IPO4: variants seen among roughly 807,000 people sequenced by gnomAD.
The protein encoded by IPO4 is importin-4.
A neutral mutation model predicts 133.5 loss-of-function variants in IPO4; 91 were observed. The ratio of observed to expected loss-of-function variants is 0.68; its 90% CI spans 0.58 to 0.81. IPO4 has a LOEUF of 0.81. IPO4 is among the 30% of genes least tolerant of loss of function. The pLI, the probability that IPO4 is intolerant of heterozygous loss-of-function variation, is 0.00. For missense variants in IPO4, 1,279 were observed against 1,386.2 expected (o/e 0.92, Z 1.23); for synonymous variants, 607 against 581.6 (o/e 1.04, Z -0.63).
At chr14:24,188,289 A>C (rs1244108584) in intron 3 of IPO4, 32 bp from the exon 4 acceptor site, 3 of 1,612,910 alleles carry the variant, frequency 1.9e-6, no homozygotes, top group Non-Finnish European at 2.5e-6. Context: ...TTTGGTACCC[A>C]GCCTGCCCAA....
Position 24,180,592 on chromosome 14 carries a change from G to C in IPO4, c.3116-20C>G, listed in dbSNP as rs1171878090. On this transcript the variant is annotated intron_variant, in intron 29 of 29. Transcript: ENST00000354464. ...TGGTGTCTGGGTGGAGAGGGAGGGA[G>C]AAAGGTCGGGGCTCCTAAAGCCTCG... The C allele has an allele frequency of 6.2e-7, 1 of 1,612,700 alleles. No individual in the cohort carries two copies. Among genetic ancestry groups the C allele is most frequent in the Non-Finnish European group, 8.5e-7 (1 of 1,178,910 alleles).
At chr14:24,180,992 A>G (rs1184696481) in intron 28 of IPO4, among the ~76,000 whole-genome samples, 1 of 152,158 alleles carries the variant, frequency 6.6e-6, no homozygotes, top group Non-Finnish European at 1.5e-5. Context: ...TCATAGCCTC[A>G]AGACCTAAAG....
chr14:24,183,660 C>A lies in IPO4; in HGVS notation c.1993G>T (p.Val665Leu), dbSNP rs754335399. The change falls in exon 20 of 30, where the codon GTG (valine) becomes TTG (leucine). Residue 665 changes from valine to leucine, a missense_variant. By Grantham distance (32) the Val-to-Leu change is conservative. Around this residue, in one of 3 missense-constraint regions of IPO4, gnomAD observed 575 missense variants for 653.4 expected, o/e 0.88. Coordinates refer to ENST00000354464, the MANE Select transcript of IPO4 (RefSeq NM_024658.4). ...TTCTCATCGAAGAAGGCATTCTCCA[C>A]GCTGTACCTAGAGTAAGAAGGGGAG... ...EDDSEISGYS[V>L]ENAFFDEKED... 6.2e-7 allele frequency: 1 copy of A among 1,614,138 alleles called. No individual in the cohort carries two copies. The highest frequency in any genetic ancestry group is 1.3e-5 in the African/African-American group (1 of 75,032).
At position 24,183,464 on chromosome 14, in the gene IPO4, G is replaced by A. The variant is rs2039172291; in HGVS notation, c.2113C>T (p.Leu705=). The A allele has an allele frequency of 1.2e-6, 2 of 1,612,540 alleles. No homozygotes were observed. Among genetic ancestry groups the A allele is most frequent in the South Asian group, 1.1e-5 (1 of 90,760 alleles). The change falls in exon 21 of 30, where the codon CTG becomes TTG. Residue 705 remains leucine (L), a synonymous_variant. Transcript: ENST00000354464. Reference sequence around the variant, plus strand: ...CCCGCCGGCCCGCTCACCTCCAGCAGTTTAAATACTTCTTCAAAGACACTT... The same window carrying A: ...CCCGCCGGCCCGCTCACCTCCAGCAATTTAAATACTTCTTCAAAGACACTT... ...MESVFEEVFK[L]LECPHLNVRK... is the part of the protein sequence containing the mutation.
chr14:24,180,827 C>A, intron 28 of IPO4, 69 bp from the exon 29 acceptor site: 1 of 1,363,420 alleles, frequency 7.3e-7, no homozygotes, highest in Non-Finnish European at 1.0e-6. Context: ...TGGTCAGGAC[C>A]AAGGAGTGGC....
chr14:24,188,812 G>A lies in IPO4; in HGVS notation c.-25C>T. On this transcript the variant is annotated 5_prime_UTR_variant, in exon 1 of 30. Coordinates refer to ENST00000354464, the MANE Select transcript of IPO4 (RefSeq NM_024658.4). ...TGGCAGCAACTGAGCCGCCGCTACT[G>A]GGCCGAAAAGGGGAGGGGGAGGGAC... 5 of 1,477,690 alleles carry A rather than the reference G, an allele frequency of 3.4e-6. No homozygotes were observed. Among genetic ancestry groups the A allele is most frequent in the African/African-American group, 1.4e-5 (1 of 70,750 alleles). The allele number at this position is 1,477,690 out of a possible 1,614,324, so 91.5% of individuals were successfully genotyped here. A position where few individuals can be genotyped will look rare whatever the true frequency, so the allele number is the denominator to read the frequency against.
In IPO4 at chr14:24,183,471, T is replaced by C; in HGVS notation, c.2106A>G (p.Val702=). The change falls in exon 21 of 30, where the codon GTA becomes GTG. Residue 702 remains valine, a synonymous_variant. Transcript: ENST00000354464. ...LPYMESVFEE[V]FKLLECPHLN... ...GCCCGCTCACCTCCAGCAGTTTAAA[T>C]ACTTCTTCAAAGACACTTTCCATGT... 5 of 1,613,024 alleles carry C rather than the reference T, an allele frequency of 3.1e-6. No individual in the cohort carries two copies. The highest frequency in any genetic ancestry group is 4.2e-6 in the Non-Finnish European group (5 of 1,179,482).
chr14:24,188,667 G>T, intron 1 of IPO4, 29 bp from the exon 2 acceptor site: 1 of 1,602,926 alleles, frequency 6.2e-7, no homozygotes, highest in Non-Finnish European at 8.5e-7. Context: ...TGAGAGTTGG[G>T]CCTTTCCCGC....
At chr14:24,183,712 G>A (rs1160317933) in intron 19 of IPO4, 45 bp from the exon 20 acceptor site, 2 of 1,614,034 alleles carry the variant, frequency 1.2e-6, no homozygotes, top group Non-Finnish European at 1.7e-6. Flanking sequence ...ACCAAGAGGA[G>A]CAGATCCAGC....
chr14:24,183,390 T>C lies in IPO4; in HGVS notation c.2122-35A>G, dbSNP rs781433347. 2.4e-5 allele frequency: 39 copies of C among 1,594,362 alleles called. No homozygotes were observed. In the Admixed American group the frequency reaches 6.0e-4, roughly 24 times the overall value. ...GAGGAGGGGCGGGATATGTCTGCTA[T>C]GTGCACCGTGAACACAGGGCCCCCA... is the stretch of plus-strand genomic sequence containing the variant. On this transcript the variant is annotated intron_variant, in intron 21 of 29. Coordinates refer to ENST00000354464, the MANE Select transcript of IPO4 (RefSeq NM_024658.4).
intron 12 of IPO4, 130 bp from the exon 13 acceptor site, chr14:24,185,697 G>T (rs2039210114): frequency 1.0e-6 from 1 of 963,076 alleles, no homozygotes; most frequent in African/African-American, 1.6e-5. Context: ...AGCAGCCCCT[G>T]GTCCCTATAG....
At chr14:24,187,614 C>A (rs771051433) in intron 5 of IPO4, 35 bp from the exon 6 acceptor site, 7 of 1,614,000 alleles carry the variant, frequency 4.3e-6, no homozygotes, top group Admixed American at 1.7e-5. Context: ...AGCAAGCTTA[C>A]AAGGTCTATC....
chr14:24,184,393 T>C lies in IPO4; in HGVS notation c.1662A>G (p.Ala554=). Residue 554 remains alanine, a synonymous_variant, in exon 17 of 30, where the codon GCA becomes GCG. Coordinates refer to ENST00000354464, the MANE Select transcript of IPO4 (RefSeq NM_024658.4). ...SLETLGVLAR[A]VGEPMRPLAE... Reference sequence around the variant, plus strand: ...CCAGCGGCCTCATGGGCTCCCCCACTGCTCGTGCCAGCACCCCCAGTGTCT... The same window carrying C: ...CCAGCGGCCTCATGGGCTCCCCCACCGCTCGTGCCAGCACCCCCAGTGTCT... 1 of 1,609,702 alleles carries C rather than the reference T, an allele frequency of 6.2e-7. No individual in the cohort carries two copies. Among genetic ancestry groups the C allele is most frequent in the Non-Finnish European group, 8.5e-7 (1 of 1,178,516 alleles).
At position 24,181,970 on chromosome 14, in the gene IPO4, C is replaced by T. The variant is rs763212998; in HGVS notation, c.2792G>A (p.Gly931Asp). The change falls in exon 26 of 30, where the codon GGC becomes GAC. Residue 931 changes from glycine to aspartate, a missense_variant. Coordinates refer to ENST00000354464, the MANE Select transcript of IPO4 (RefSeq NM_024658.4). ...FGMGVLAEHG[G>D]HPAQEHFPKL... ...CCAAGGATACTCCTGGGCAGGGTGGCCCCCATGCTCTGCCAGCACGCCCAT... is the reference window on the plus strand; with the variant it reads ...CCAAGGATACTCCTGGGCAGGGTGGTCCCCATGCTCTGCCAGCACGCCCAT... The T allele has an allele frequency of 1.2e-6, 2 of 1,611,206 alleles. No homozygotes were observed. The highest frequency in any genetic ancestry group is 1.1e-5 in the South Asian group (1 of 91,080).
rs1432928737 is a variant in IPO4 at position 24,183,797 on chromosome 14, G to A, written c.1971C>T (p.Asp657=). Residue 657 remains aspartate, a synonymous_variant, in exon 19 of 30, where the codon GAC becomes GAT. Transcript: ENST00000354464. ...CCCCTCCGCACCCTGAGATCTCTGA[G>A]TCATCCTCTTCTTCCACATCCTCAT... ...LMDEDVEEED[D]SEISGYSVEN... The A allele has an allele frequency of 1.9e-6, 3 of 1,614,028 alleles. No homozygotes were observed. The highest frequency in any genetic ancestry group is 2.2e-5 in the East Asian group (1 of 44,886).
In IPO4 at chr14:24,186,768, G is replaced by A; in HGVS notation, c.780C>T (p.Gly260=). ...CLEVARNVAL[G]NAIRIRILCC... ...AGAGAATACGTATGCGTATCGCATT[G>A]CCCAGGGCCACATTTCTAGCTACCT... is the stretch of plus-strand genomic sequence containing the variant. The change falls in exon 9 of 30, where the codon GGC becomes GGT. Residue 260 remains glycine (G), a synonymous_variant. Coordinates refer to ENST00000354464, the MANE Select transcript of IPO4 (RefSeq NM_024658.4). The A allele has an allele frequency of 6.2e-7, 1 of 1,614,140 alleles. No individual in the cohort carries two copies.
rs1388826739 is a variant in IPO4, at chr14:24,181,732, G to A, written c.2919C>T (p.Pro973=). The A allele has an allele frequency of 6.2e-7, 1 of 1,602,644 alleles. No homozygotes were observed. The highest frequency in any genetic ancestry group is 8.5e-7 in the Non-Finnish European group (1 of 1,172,780). The change falls in exon 27 of 30, where the codon CCC becomes CCT. Residue 973 remains proline (P), a synonymous_variant. Transcript: ENST00000354464. ...TCACCTGGGGCTCTGGTTTCCTGGT[G>A]GGACTGGCCATCAACAGGCGGGCAA... is the stretch of plus-strand genomic sequence containing the variant. ...GALARLLMAS[P]TRKPEPQVLA... is the part of the protein sequence containing the mutation.
In IPO4 at chr14:24,183,504, G is replaced by A. The variant is rs776692967; in HGVS notation, c.2073C>T (p.Phe691=). The A allele has an allele frequency of 1.2e-6, 2 of 1,613,878 alleles. No homozygotes were observed. The highest frequency in any genetic ancestry group is 1.7e-5 in the Admixed American group (1 of 59,964). ...GEISVNTSVA[F]LPYMESVFEE... is the part of the protein sequence containing the mutation. The stretch of plus-strand genomic sequence containing the variant: ...CAAAGACACTTTCCATGTATGGAAG[G>A]AAGGCCACACTACAGAGAGAGACAC... The change falls in exon 21 of 30, where the codon TTC becomes TTT. Residue 691 remains phenylalanine (F), a synonymous_variant. Transcript: ENST00000354464.
chr14:24,186,358 C>T lies in IPO4; in HGVS notation c.934G>A (p.Asp312Asn). The T allele has an allele frequency of 6.2e-7, 1 of 1,613,318 alleles. No homozygotes were observed. Among genetic ancestry groups the T allele is most frequent in the Non-Finnish European group, 8.5e-7 (1 of 1,179,652 alleles). ...AACTCTTCCTCTTCTGAATCCTGGT[C>T]CTCGGGATCCAACTGGCCTGGTGGG... Reference protein sequence around the residue: ...EPPPGQLDPEDQDSEEEELEI... With the variant: ...EPPPGQLDPENQDSEEEELEI... Residue 312 changes from aspartate (D) to asparagine (N), a missense_variant, in exon 10 of 30, where the codon GAC becomes AAC. Asp to Asn is a conservative substitution (Grantham distance 23, BLOSUM62 1). This residue lies in a region of IPO4 where 695 missense variants were observed against 704.1 expected (regional missense o/e 0.99). Transcript: ENST00000354464.
Sources: allele counts gnomAD v4.1 joint callset (sites outside exome capture counted in the v4.1 genomes callset), GRCh38; gene constraint gnomAD v4.1.1; regional missense constraint gnomAD v4.1.1; transcripts MANE v1.5; gene names NCBI Gene and HGNC (gene_info 2026-07-23, HGNC 2026-07-21).